Variants in NGEF observed in about 807,000 individuals in gnomAD.
NGEF encodes neuronal guanine nucleotide exchange factor, also known as ephexin-1.
Under a neutral mutation model 80.9 loss-of-function variants are expected in NGEF, and 31 were observed. That is an observed-to-expected ratio of 0.38 (90% CI 0.29 to 0.52). The LOEUF (loss-of-function observed/expected upper bound fraction) is 0.52. Among genes scored for constraint, NGEF ranks in the 20% least tolerant of loss-of-function variants. NGEF has a pLI of 0.84. For synonymous variants in NGEF, 371 were observed against 370.2 expected (o/e 1.00, Z -0.03); for missense variants, 709 against 926.2 (o/e 0.77, Z 3.04).
chr2:232,972,101 G>A (rs565313978), intron 2 of NGEF, among the ~76,000 whole-genome samples: 2 of 152,130 alleles, frequency 1.3e-5, no homozygotes, highest in Non-Finnish European at 2.9e-5. Flanking sequence ...TATTGATTCA[G>A]TTGTTGGGAA....
intron 1 of NGEF, among the ~76,000 whole-genome samples, chr2:233,000,360 G>A (rs1559243330): frequency 6.6e-6 from 1 of 152,120 alleles, no homozygotes; most frequent in Non-Finnish European, 1.5e-5. Flanking sequence ...GCCTCCCAAA[G>A]TGCTGGGATT....
At chr2:232,891,275 T>G (rs1433691126) in intron 8 of NGEF, 83 bp downstream of exon 8, 1 of 1,554,092 alleles carries the variant, frequency 6.4e-7, no homozygotes, top group Non-Finnish European at 8.8e-7. Context: ...CCAGTAGACC[T>G]CCTAGAAAGC....
chr2:232,986,010 A>G (rs1053031263), intron 1 of NGEF, among the ~76,000 whole-genome samples: 4 of 152,176 alleles, frequency 2.6e-5, no homozygotes, highest in Admixed American at 6.5e-5. Flanking sequence ...TCCACTAAAT[A>G]TGCTAATAAA....
At chr2:232,958,255 CCGGGCAG>C (rs1693873520) in intron 3 of NGEF, among the ~76,000 whole-genome samples, 1 of 152,130 alleles carries the variant, frequency 6.6e-6, no homozygotes, top group Non-Finnish European at 1.5e-5. Flanking sequence ...CAAAAGGCAG[CCGGGCAG>C]GAAAACCCCT....
In NGEF at chr2:232,995,247, ACTGTATATGTGTACAGTATGTATG is replaced by A. The variant is rs1160858589; in HGVS notation, c.-75+17797_-75+17820del. 2.8e-5 allele frequency among the ~76,000 whole-genome samples: 2 copies of A among 72,244 alleles called. 1 individual carries two copies. The highest frequency in any genetic ancestry group is 1.6e-4 in the African/African-American group (2 of 12,702). 47.4% of individuals were successfully genotyped at this position (72,244 alleles called of 152,430 possible). The stretch of plus-strand genomic sequence containing the variant: ...TATGTATGCTGTGTACAGTATGTAT[ACTGTATATGTGTACAGTATGTATG>A]CTGTGTACAGTATGTATACTGTATA... On this transcript the variant is annotated intron_variant, in intron 1 of 14. Transcript: ENST00000264051.
chr2:232,913,660 C>T (rs573791543), intron 5 of NGEF, among the ~76,000 whole-genome samples: 1 of 152,226 alleles, frequency 6.6e-6, no homozygotes, highest in African/African-American at 2.4e-5. Context: ...GTGACTCACA[C>T]CTGTAATCCC....
chr2:232,895,070 A>C (rs1262892730), intron 5 of NGEF, among the ~76,000 whole-genome samples, 154 bp from the exon 6 acceptor site: 1 of 152,200 alleles, frequency 6.6e-6, no homozygotes, highest in Non-Finnish European at 1.5e-5. Flanking sequence ...CTGCAGGGGC[A>C]GCTGGTAACA....
At chr2:232,934,504 T>C (rs1173853774) in intron 3 of NGEF, among the ~76,000 whole-genome samples, 3 of 152,118 alleles carry the variant, frequency 2.0e-5, no homozygotes, top group Non-Finnish European at 4.4e-5. Flanking sequence ...TAAAATCAGT[T>C]TAGAAAGTCA....
chr2:232,961,557 A>C (rs538452905), intron 3 of NGEF, among the ~76,000 whole-genome samples: 7 of 151,952 alleles, frequency 4.6e-5, no homozygotes, highest in Non-Finnish European at 1.0e-4. Flanking sequence ...CAGTGGCGCG[A>C]TCTCTGCTCA....
chr2:232,932,311 C>A (rs537243749), intron 3 of NGEF, among the ~76,000 whole-genome samples: 2 of 151,836 alleles, frequency 1.3e-5, no homozygotes, highest in Non-Finnish European at 2.9e-5. Context: ...ATTAAAGGTG[C>A]GCACCATCAT....
At chr2:232,977,354 T>C (rs1458496867) in intron 1 of NGEF, among the ~76,000 whole-genome samples, 2 of 152,078 alleles carry the variant, frequency 1.3e-5, no homozygotes, top group East Asian at 1.9e-4. Flanking sequence ...ATGATGGCCT[T>C]GAGCTCAGTG....
intron 8 of NGEF, among the ~76,000 whole-genome samples, chr2:232,889,109 G>C (rs1337331318): frequency 6.6e-6 from 1 of 152,164 alleles, no homozygotes; most frequent in Non-Finnish European, 1.5e-5. Context: ...AGCCAAGCCA[G>C]AGACCTTCGA....
chr2:232,970,581 C>G (rs1008278774), intron 2 of NGEF, among the ~76,000 whole-genome samples: 1 of 152,082 alleles, frequency 6.6e-6, no homozygotes, highest in African/African-American at 2.4e-5. Flanking sequence ...GTAATCCCAT[C>G]GCTTTGGGAG....
intron 3 of NGEF, among the ~76,000 whole-genome samples, chr2:232,942,566 G>T (rs951205076): frequency 1.3e-5 from 2 of 152,108 alleles, no homozygotes; most frequent in African/African-American, 4.8e-5. Flanking sequence ...CACTGGGCAC[G>T]GTGGCTCACG....
At chr2:232,978,281 A>AG (rs912415394) in intron 1 of NGEF, among the ~76,000 whole-genome samples, 38 of 151,530 alleles carry the variant, frequency 2.5e-4, no homozygotes, top group African/African-American at 8.2e-4. Context: ...GCACAGGCTG[A>AG]GGGGGGGGAT....
At chr2:232,891,574 A>G (rs1691886442) in intron 7 of NGEF, 87 bp from the exon 8 acceptor site, 1 of 1,451,932 alleles carries the variant, frequency 6.9e-7, no homozygotes, top group African/African-American at 1.4e-5. Context: ...GCCTCCCAGG[A>G]TCCAGACGAC....
intron 1 of NGEF, among the ~76,000 whole-genome samples, chr2:232,984,222 C>T (rs1445442711): frequency 6.6e-6 from 1 of 151,778 alleles, no homozygotes; most frequent in Non-Finnish European, 1.5e-5. Context: ...GTAGCGAGGA[C>T]TACAGGCACA....
At chr2:232,891,904 G>A (rs1413362788) in intron 7 of NGEF, among the ~76,000 whole-genome samples, 2 of 152,134 alleles carry the variant, frequency 1.3e-5, no homozygotes, top group Non-Finnish European at 2.9e-5. Flanking sequence ...GGTGGGCTGG[G>A]CCACAGCGCT....
rs1692347569 is a variant in NGEF, at chr2:232,901,293, G to A, written c.829-6377C>T. The A allele has an allele frequency of 4.5e-6, 4 of 893,286 alleles. No homozygotes were observed. The South Asian group carries it at 1.6e-4, about 35-fold the overall frequency. 55.3% of individuals were successfully genotyped at this position (893,286 alleles called of 1,614,324 possible). A position where few individuals can be genotyped will look rare whatever the true frequency, so the allele number is the denominator to read the frequency against. On this transcript the variant is annotated intron_variant, in intron 5 of 14. Coordinates refer to ENST00000264051, the MANE Select transcript of NGEF (RefSeq NM_019850.3). ...GAGTCCCACTCCTGCCTCCGCACTC[G>A]GATCAACCCTGCGTTCCCCACCCTC...
Sources: allele counts gnomAD v4.1 joint callset (sites outside exome capture counted in the v4.1 genomes callset), GRCh38; gene constraint gnomAD v4.1.1; transcripts MANE v1.5; gene names NCBI Gene and HGNC (gene_info 2026-07-23, HGNC 2026-07-21).